The following AGBL4 variants were observed in gnomAD, a reference collection of about 807,000 sequenced individuals.
The protein encoded by AGBL4 is cytosolic carboxypeptidase 6.
In AGBL4, 58 loss-of-function variants were observed where a neutral mutation model predicts 66.4. The ratio of observed to expected loss-of-function variants is 0.87; its 90% CI spans 0.71 to 1.09. The LOEUF (loss-of-function observed/expected upper bound fraction) is 1.09. Among genes scored for constraint, AGBL4 ranks in the 50% least tolerant of loss-of-function variants. The pLI, the probability that AGBL4 is intolerant of heterozygous loss-of-function variation, is 0.00. For synonymous variants in AGBL4, 234 were observed against 222.9 expected, an observed-to-expected ratio of 1.05 and a Z score of -0.44; for missense variants, 579 against 631.0, an observed-to-expected ratio of 0.92 and a Z score of 0.88.
chr1:49,326,607 A>G (rs1645233077), intron 3 of AGBL4, among the ~76,000 whole-genome samples: 1 of 152,202 alleles, frequency 6.6e-6, no homozygotes, highest in South Asian at 2.1e-4. Context: ...GACACAAAGA[A>G]AGAATGAGAG....
chr1:49,254,524 C>A lies in AGBL4; in HGVS notation c.283-8660G>T, dbSNP rs375882583. 5.9e-5 allele frequency among the ~76,000 whole-genome samples: 9 copies of A among 152,026 alleles called. No homozygotes were observed. The East Asian group carries it at 7.7e-4, about 13-fold the overall frequency. The stretch of plus-strand genomic sequence containing the variant: ...TCAAAGAAATATAAAATGACATGAA[C>A]AAATTGAAAAACATTCCATGTTCAT... On this transcript the variant is annotated intron_variant, in intron 3 of 13. Coordinates refer to ENST00000371839, the MANE Select transcript of AGBL4 (RefSeq NM_032785.4).
Position 49,525,201 on chromosome 1 carries a change from A to G in AGBL4, c.282+172112T>C, listed in dbSNP as rs200638098. 2.6e-5 allele frequency among the ~76,000 whole-genome samples: 4 copies of G among 152,206 alleles called. No individual in the cohort carries two copies. The East Asian group carries it at 7.7e-4, about 29-fold the overall frequency. On this transcript the variant is annotated intron_variant, in intron 3 of 13. Coordinates refer to ENST00000371839, the MANE Select transcript of AGBL4 (RefSeq NM_032785.4). Reference sequence around the variant, plus strand: ...AGATCCTTGCTTCACTGGAGTTTATATTGTATTGGAGGATACAAATAATAA... The same window carrying G: ...AGATCCTTGCTTCACTGGAGTTTATGTTGTATTGGAGGATACAAATAATAA...
At chr1:48,884,379 C>T (rs1242209373) in intron 5 of AGBL4, among the ~76,000 whole-genome samples, 3 of 136,070 alleles carry the variant, frequency 2.2e-5, no homozygotes, top group Admixed American at 1.5e-4. Flanking sequence ...CTCACTGGTT[C>T]GAGAGCCTGG....
chr1:48,550,724 G>T (rs1644236962), intron 11 of AGBL4, among the ~76,000 whole-genome samples: 1 of 152,098 alleles, frequency 6.6e-6, no homozygotes, highest in Non-Finnish European at 1.5e-5. Flanking sequence ...TGAAGGTGCT[G>T]GGTATCAGGG....
chr1:49,989,391 AG>A (rs1321599134), intron 1 of AGBL4, among the ~76,000 whole-genome samples: 1 of 152,166 alleles, frequency 6.6e-6, no homozygotes, highest in African/African-American at 2.4e-5. Flanking sequence ...AGGAACAAGG[AG>A]GGGACAAGTA....
intron 4 of AGBL4, among the ~76,000 whole-genome samples, chr1:49,198,117 T>G (rs1647379176): frequency 6.6e-6 from 1 of 152,020 alleles, no homozygotes; most frequent in African/African-American, 2.4e-5. Context: ...TCCTGTGGCC[T>G]GGATTGCTTA....
At chr1:49,586,549 A>T (rs1644649925) in intron 3 of AGBL4, among the ~76,000 whole-genome samples, 1 of 152,214 alleles carries the variant, frequency 6.6e-6, no homozygotes, top group Non-Finnish European at 1.5e-5. Flanking sequence ...CAGAAATAGC[A>T]GGAGCTTTGC....
At chr1:49,745,728 G>A (rs1323795112) in intron 2 of AGBL4, among the ~76,000 whole-genome samples, 1 of 151,698 alleles carries the variant, frequency 6.6e-6, no homozygotes, top group Non-Finnish European at 1.5e-5. Context: ...TATCAAGAAA[G>A]TCCCAAAATA....
intron 3 of AGBL4, among the ~76,000 whole-genome samples, chr1:49,618,858 A>T (rs1464556098): frequency 3.3e-5 from 5 of 152,236 alleles, no homozygotes; most frequent in Non-Finnish European, 4.4e-5. Context: ...AAACAGAAGC[A>T]ATGACAAAAA....
intron 3 of AGBL4, among the ~76,000 whole-genome samples, chr1:49,442,018 G>A (rs1477113636): frequency 6.6e-6 from 1 of 152,162 alleles, no homozygotes; most frequent in African/African-American, 2.4e-5. Flanking sequence ...CCCACGATAT[G>A]GCACCATTCC....
At chr1:49,578,913 C>A (rs896311391) in intron 3 of AGBL4, among the ~76,000 whole-genome samples, 1 of 152,044 alleles carries the variant, frequency 6.6e-6, no homozygotes, top group African/African-American at 2.4e-5. Context: ...GAAGGTGTTG[C>A]CAAAAGAGAT....
At chr1:48,841,215 T>C (rs888819545) in intron 6 of AGBL4, among the ~76,000 whole-genome samples, 1 of 152,096 alleles carries the variant, frequency 6.6e-6, no homozygotes, top group Non-Finnish European at 1.5e-5. Flanking sequence ...TATACCTGTG[T>C]TAAAATTCAT....
chr1:49,103,836 C>T (rs1282340336), intron 4 of AGBL4, among the ~76,000 whole-genome samples: 1 of 152,016 alleles, frequency 6.6e-6, no homozygotes, highest in Non-Finnish European at 1.5e-5. Flanking sequence ...ATCTCCAGAC[C>T]CCAAAATCTC....
chr1:49,214,389 A>G (rs1002397849), intron 4 of AGBL4, among the ~76,000 whole-genome samples: 1 of 152,140 alleles, frequency 6.6e-6, no homozygotes, highest in Non-Finnish European at 1.5e-5. Flanking sequence ...TATGGGATCC[A>G]AGTCTGAGGC....
chr1:49,762,413 T>A (rs1652394819), intron 2 of AGBL4, among the ~76,000 whole-genome samples: 1 of 151,310 alleles, frequency 6.6e-6, no homozygotes, highest in Non-Finnish European at 1.5e-5. Context: ...TCAATTTTCT[T>A]CTTTTTTTTT....
chr1:49,420,384 C>A (rs1419988843), intron 3 of AGBL4, among the ~76,000 whole-genome samples: 1 of 152,062 alleles, frequency 6.6e-6, no homozygotes, highest in African/African-American at 2.4e-5. Context: ...GGATAAACAT[C>A]TAAGAAGATA....
chr1:49,761,131 GT>G (rs559439979), intron 2 of AGBL4, among the ~76,000 whole-genome samples: 5,661 of 136,064 alleles, frequency 0.042, 190 homozygotes, highest in African/African-American at 0.11. Flanking sequence ...CATGCATCCC[GT>G]TTTTTTTTTT....
intron 1 of AGBL4, among the ~76,000 whole-genome samples, chr1:49,917,620 C>G (rs1431731921): frequency 6.6e-6 from 1 of 152,058 alleles, no homozygotes; most frequent in African/African-American, 2.4e-5. Context: ...CTTAGACTCC[C>G]ACACAATAAT....
intron 6 of AGBL4, among the ~76,000 whole-genome samples, chr1:48,732,101 T>TG (rs1648231157): frequency 1.3e-5 from 2 of 151,930 alleles, no homozygotes; most frequent in African/African-American, 2.4e-5. Flanking sequence ...AAGAGAGATT[T>TG]GGGGCCAAAC....
Sources: allele counts gnomAD v4.1 joint callset (sites outside exome capture counted in the v4.1 genomes callset), GRCh38; gene constraint gnomAD v4.1.1; transcripts MANE v1.5; gene names NCBI Gene and HGNC (gene_info 2026-07-23, HGNC 2026-07-21).